The following NKAIN3 variants were observed in gnomAD, a reference collection of about 807,000 sequenced individuals.
NKAIN3 encodes the protein sodium/potassium-transporting ATPase subunit beta-1-interacting protein 3.
In NKAIN3, 25 loss-of-function variants were observed where a neutral mutation model predicts 30.2. The observed-to-expected ratio is 0.83, with a 90% CI of 0.60 to 1.16. The LOEUF is 1.16. NKAIN3 is among the 50% of genes most tolerant of loss of function. The pLI, the probability that NKAIN3 is intolerant of heterozygous loss-of-function variation, is 0.00. For synonymous variants in NKAIN3, 91 were observed against 89.6 expected, an observed-to-expected ratio of 1.02 and a Z score of -0.09; for missense variants, 225 against 254.1, an observed-to-expected ratio of 0.89 and a Z score of 0.78.
intron 4 of NKAIN3, among the ~76,000 whole-genome samples, chr8:62,805,181 G>A (rs1191431461): frequency 2.0e-5 from 3 of 151,898 alleles, no homozygotes; most frequent in Admixed American, 6.6e-5. Flanking sequence ...AACATTCCAT[G>A]CTCATGGGTA....
intron 1 of NKAIN3, among the ~76,000 whole-genome samples, chr8:62,389,793 T>C (rs1202655838): frequency 6.6e-6 from 1 of 152,158 alleles, no homozygotes; most frequent in Non-Finnish European, 1.5e-5. Context: ...GTCCAGGCCT[T>C]GTGGGTGTCA....
At chr8:62,834,995 T>G (rs1367425983) in intron 4 of NKAIN3, among the ~76,000 whole-genome samples, 1 of 151,976 alleles carries the variant, frequency 6.6e-6, no homozygotes, top group Non-Finnish European at 1.5e-5. Context: ...CCAATGGAAC[T>G]GAATAGAGAA....
chr8:62,582,506 A>AGGGAGCT (rs1810337009), intron 2 of NKAIN3, among the ~76,000 whole-genome samples: 8 of 152,256 alleles, frequency 5.3e-5, no homozygotes, highest in Admixed American at 5.2e-4. Flanking sequence ...GGCACCCTGC[A>AGGGAGCT]GGGAGCTGAG....
chr8:62,939,632 G>A (rs1822892002), intron 5 of NKAIN3, among the ~76,000 whole-genome samples: 1 of 151,888 alleles, frequency 6.6e-6, no homozygotes, highest in South Asian at 2.1e-4. Flanking sequence ...TATCAGCCAA[G>A]AATTTTGTAT....
chr8:62,694,269 A>G (rs1814083643), intron 3 of NKAIN3, among the ~76,000 whole-genome samples: 2 of 152,120 alleles, frequency 1.3e-5, no homozygotes, highest in South Asian at 4.1e-4. Context: ...TAATTGCAGC[A>G]CTATTCACAA....
intron 4 of NKAIN3, among the ~76,000 whole-genome samples, chr8:62,755,392 TG>T (rs1393565498): frequency 6.6e-6 from 1 of 152,228 alleles, no homozygotes; most frequent in Non-Finnish European, 1.5e-5. Context: ...AGTACAATTA[TG>T]TCTAATAGTT....
At chr8:62,314,753 A>T (rs2129588911) in intron 1 of NKAIN3, among the ~76,000 whole-genome samples, 1 of 152,308 alleles carries the variant, frequency 6.6e-6, no homozygotes, top group Middle Eastern at 3.4e-3. Flanking sequence ...TCTGAATAAC[A>T]TGTTTGCCAC....
At chr8:62,745,822 AT>A (rs778068591) in intron 3 of NKAIN3, among the ~76,000 whole-genome samples, 2 of 152,160 alleles carry the variant, frequency 1.3e-5, no homozygotes, top group Non-Finnish European at 2.9e-5. Context: ...ATAAGGAATG[AT>A]CAGGGCTTTG....
chr8:62,675,280 A>G (rs1813439391), intron 3 of NKAIN3, among the ~76,000 whole-genome samples: 1 of 152,198 alleles, frequency 6.6e-6, no homozygotes, highest in Non-Finnish European at 1.5e-5. Flanking sequence ...TACATTGCCA[A>G]ATATCACTGA....
chr8:62,944,716 A>T (rs546522977), intron 5 of NKAIN3, among the ~76,000 whole-genome samples: 51 of 152,322 alleles, frequency 3.3e-4, no homozygotes, highest in African/African-American at 1.2e-3. Context: ...ATTATTGGCC[A>T]TCAACATGAT....
At chr8:62,398,789 T>C (rs1817844073) in intron 1 of NKAIN3, among the ~76,000 whole-genome samples, 1 of 152,230 alleles carries the variant, frequency 6.6e-6, no homozygotes, top group Non-Finnish European at 1.5e-5. Flanking sequence ...TGGGTTGTGA[T>C]GTTAAATATA....
chr8:62,569,657 T>G (rs959629781), intron 1 of NKAIN3, among the ~76,000 whole-genome samples: 1 of 152,036 alleles, frequency 6.6e-6, no homozygotes, highest in African/African-American at 2.4e-5. Flanking sequence ...ATACCTGTAT[T>G]CCCAGCTGCT....
chr8:62,798,092 A>C (rs1817923509), intron 4 of NKAIN3, among the ~76,000 whole-genome samples: 1 of 152,166 alleles, frequency 6.6e-6, no homozygotes, highest in South Asian at 2.1e-4. Flanking sequence ...AATGTGCCCA[A>C]GGTCACACAG....
chr8:62,894,740 A>G (rs1821384128), intron 4 of NKAIN3, among the ~76,000 whole-genome samples: 1 of 152,158 alleles, frequency 6.6e-6, no homozygotes. Context: ...TTTTTCTCTC[A>G]TGTCGAAGAG....
chr8:62,806,626 T>G (rs4557699), intron 4 of NKAIN3, among the ~76,000 whole-genome samples: 116,344 of 151,658 alleles, frequency 0.77, 44,890 homozygotes, highest in Admixed American at 0.82. Flanking sequence ...GACACTGGAA[T>G]GAGAACATCA....
intron 1 of NKAIN3, among the ~76,000 whole-genome samples, chr8:62,549,319 T>A (rs1809115284): frequency 6.6e-6 from 1 of 152,176 alleles, no homozygotes; most frequent in African/African-American, 2.4e-5. Flanking sequence ...TTTTCTCTGC[T>A]GCACTTCTTT....
chr8:62,961,275 G>T lies in NKAIN3; in HGVS notation c.604-4079G>T, dbSNP rs906099272. 5.4e-5 allele frequency among the ~76,000 whole-genome samples: 8 copies of T among 149,330 alleles called. No individual in the cohort carries two copies. In the South Asian group the frequency reaches 1.5e-3, roughly 28 times the overall value. On this transcript the variant is annotated intron_variant, in intron 6 of 6. Transcript: ENST00000623646. ...AGCCTAGGTGACAGAGTGAGACTCT[G>T]TCTCAAAAAAAAAAAAAAAGTGGGT...
At chr8:62,683,597 C>T (rs868842111) in intron 3 of NKAIN3, among the ~76,000 whole-genome samples, 3 of 152,182 alleles carry the variant, frequency 2.0e-5, no homozygotes, top group African/African-American at 7.2e-5. Context: ...TCACCTTTCA[C>T]ACTTGCTGGG....
At chr8:62,295,991 G>T (rs1813815443) in intron 1 of NKAIN3, among the ~76,000 whole-genome samples, 1 of 152,254 alleles carries the variant, frequency 6.6e-6, no homozygotes, top group African/African-American at 2.4e-5. Context: ...AGCAAATAAA[G>T]CTAGTCCATA....
Sources: allele counts gnomAD v4.1 joint callset (sites outside exome capture counted in the v4.1 genomes callset), GRCh38; gene constraint gnomAD v4.1.1; transcripts MANE v1.5; gene names NCBI Gene and HGNC (gene_info 2026-07-23, HGNC 2026-07-21).